Variants in LMCD1 observed in about 807,000 individuals in gnomAD.
LMCD1 encodes LIM and cysteine rich domains 1.
A neutral mutation model predicts 42.7 loss-of-function variants in LMCD1; 32 were observed. The observed-to-expected ratio is 0.75, with a 90% CI of 0.57 to 1.01. The LOEUF is 1.01. LMCD1 is among the 50% of genes least tolerant of loss of function. LMCD1 has a pLI of 0.00. For missense variants in LMCD1, 458 were observed against 483.1 expected, an observed-to-expected ratio of 0.95 and a Z score of 0.49; for synonymous variants, 178 against 184.9, an observed-to-expected ratio of 0.96 and a Z score of 0.30.
chr3:8,539,801 A>ATTT (rs1694585240), intron 3 of LMCD1, among the ~76,000 whole-genome samples: 1 of 133,386 alleles, frequency 7.5e-6, no homozygotes, highest in South Asian at 2.3e-4. Context: ...CATTTTTATT[A>ATTT]TTATTATTAT....
At position 8,573,875 on chromosome 3, in the gene LMCD1, C is replaced by A. The variant is rs1170526393; in HGVS notation, c.*6277C>A. On this transcript the variant is annotated 3_prime_UTR_variant, in exon 6 of 6. Transcript: ENST00000157600. Reference sequence around the variant, plus strand: ...AAATCCAATTAAAACTGGTTTAAACCTAAAAAAAAAAAAAAGAAGAAAAGA... The same window carrying A: ...AAATCCAATTAAAACTGGTTTAAACATAAAAAAAAAAAAAAGAAGAAAAGA... The A allele has an allele frequency of 8.4e-5, 10 of 119,140 alleles. No homozygotes were observed. The East Asian group carries it at 1.9e-3, about 22-fold the overall frequency. 7.4% of individuals were successfully genotyped at this position (119,140 alleles called of 1,614,324 possible).
Position 8,572,497 on chromosome 3 carries a change from T to C in LMCD1, c.*4899T>C, listed in dbSNP as rs898438910. ...CTCATTCTTAGTATTCATTGACGTT[T>C]ACTGATCGAACTAATTATTATTATG... On this transcript the variant is annotated 3_prime_UTR_variant, in exon 6 of 6. Coordinates refer to ENST00000157600, the MANE Select transcript of LMCD1 (RefSeq NM_014583.4). 3 of 152,254 alleles carry C rather than the reference T, an allele frequency of 2.0e-5. No individual in the cohort carries two copies. The highest frequency in any genetic ancestry group is 7.2e-5 in the African/African-American group (3 of 41,470). The allele number at this position is 152,254 out of a possible 1,614,324, so 9.4% of individuals were successfully genotyped here.
rs1005290713 is a variant in LMCD1, at chr3:8,572,470, C to T, written c.*4872C>T. On this transcript the variant is annotated 3_prime_UTR_variant, in exon 6 of 6. Transcript: ENST00000157600. Reference sequence around the variant, plus strand: ...TCCTGTTCTTCATCAAAATTCCACTCACTCATTCTTAGTATTCATTGACGT... The same window carrying T: ...TCCTGTTCTTCATCAAAATTCCACTTACTCATTCTTAGTATTCATTGACGT... 1 of 152,204 alleles carries T rather than the reference C, an allele frequency of 6.6e-6. No homozygotes were observed. Among genetic ancestry groups the T allele is most frequent in the African/African-American group, 2.4e-5 (1 of 41,444 alleles). The allele number at this position is 152,204 out of a possible 1,614,324, so 9.4% of individuals were successfully genotyped here. A position where few individuals can be genotyped will look rare whatever the true frequency, so the allele number is the denominator to read the frequency against.
Position 8,548,641 on chromosome 3 carries a change from G to A in LMCD1, c.461G>A (p.Arg154His), listed in dbSNP as rs761878144. The A allele has an allele frequency of 2.3e-5, 37 of 1,614,026 alleles. No homozygotes were observed. Among genetic ancestry groups the A allele is most frequent in the South Asian group, 1.3e-4 (12 of 91,090 alleles). The stretch of plus-strand genomic sequence containing the variant: ...GGCACAGAGGGTGCCTTTTACCGCC[G>A]CCGCCAGCTCATGCACCAGCTCCCC... ...VTGTEGAFYRRRQLMHQLPIY... is the reference protein window; with the variant it reads ...VTGTEGAFYRHRQLMHQLPIY... The change falls in exon 4 of 6, where the codon CGC becomes CAC. Residue 154 changes from arginine (R) to histidine (H), a missense_variant. Transcript: ENST00000157600.
intron 1 of LMCD1, among the ~76,000 whole-genome samples, chr3:8,507,077 C>T (rs563294299): frequency 6.6e-6 from 1 of 152,268 alleles, no homozygotes; most frequent in Admixed American, 6.5e-5. Context: ...AGGATTTGGC[C>T]AGCAGCTGCT....
At chr3:8,548,263 T>C (rs71312389) in intron 3 of LMCD1, among the ~76,000 whole-genome samples, 2,471 of 152,236 alleles carry the variant, frequency 0.016, 32 homozygotes, top group Non-Finnish European at 0.025. Flanking sequence ...TTCACCAAGA[T>C]TGAGACACAG....
chr3:8,549,009 A>G (rs1694791634), intron 4 of LMCD1, 106 bp downstream of exon 4: 1 of 838,256 alleles, frequency 1.2e-6, no homozygotes, highest in Non-Finnish European at 1.8e-6. Context: ...GCATTTATTC[A>G]TGAATTTGTG....
At chr3:8,539,227 A>T (rs1041775124) in intron 3 of LMCD1, among the ~76,000 whole-genome samples, 2 of 152,154 alleles carry the variant, frequency 1.3e-5, no homozygotes, top group South Asian at 2.1e-4. Context: ...TAGGGGGGAA[A>T]ATCCCTTCCA....
rs1178984806 is a variant in LMCD1 at position 8,501,857 on chromosome 3, C to T, written c.-82C>T. The stretch of plus-strand genomic sequence containing the variant: ...TCCCTCCCAGGCCCGCGAACTTGGC[C>T]ATTCAGCCGCCGCTGTCCCCGCTGC... On this transcript the variant is annotated 5_prime_UTR_variant, in exon 1 of 6. Coordinates refer to ENST00000157600, the MANE Select transcript of LMCD1 (RefSeq NM_014583.4). The T allele has an allele frequency of 3.0e-6, 4 of 1,330,152 alleles. No homozygotes were observed. The highest frequency in any genetic ancestry group is 1.3e-5 in the South Asian group (1 of 76,606). The allele number at this position is 1,330,152 out of a possible 1,614,324, so 82.4% of individuals were successfully genotyped here. A position where few individuals can be genotyped will look rare whatever the true frequency, so the allele number is the denominator to read the frequency against.
At chr3:8,559,856 C>T (rs1468778372) in intron 4 of LMCD1, among the ~76,000 whole-genome samples, 1 of 152,168 alleles carries the variant, frequency 6.6e-6, no homozygotes. Flanking sequence ...ATCTTGTTTT[C>T]ATGGAGTGAT....
chr3:8,527,180 T>C (rs1478380751), intron 1 of LMCD1, among the ~76,000 whole-genome samples: 1 of 152,208 alleles, frequency 6.6e-6, no homozygotes, highest in African/African-American at 2.4e-5. Flanking sequence ...GCCTGGCACA[T>C]AGGAAGTACT....
intron 1 of LMCD1, among the ~76,000 whole-genome samples, chr3:8,513,939 T>A (rs1694049623): frequency 6.6e-6 from 1 of 152,140 alleles, no homozygotes; most frequent in African/African-American, 2.4e-5. Context: ...AGACAAACCC[T>A]GGGGGATGTC....
chr3:8,516,918 T>G (rs73127967), intron 1 of LMCD1, among the ~76,000 whole-genome samples: 7,076 of 152,298 alleles, frequency 0.046, 291 homozygotes, highest in African/African-American at 0.1. Context: ...GAGGCCTTAC[T>G]CTAGCACGAG....
chr3:8,560,538 G>A (rs747436377), intron 4 of LMCD1, among the ~76,000 whole-genome samples: 2 of 152,234 alleles, frequency 1.3e-5, no homozygotes, highest in Admixed American at 1.3e-4. Flanking sequence ...CCAATGGGGT[G>A]TAGTTTGGTG....
chr3:8,544,985 C>T (rs756692112), intron 3 of LMCD1, among the ~76,000 whole-genome samples: 34 of 152,158 alleles, frequency 2.2e-4, no homozygotes, highest in Non-Finnish European at 4.1e-4. Context: ...ATAAGAATTA[C>T]GTTCAATAAA....
chr3:8,562,455 G>A (rs1695056314), intron 4 of LMCD1, among the ~76,000 whole-genome samples: 1 of 152,172 alleles, frequency 6.6e-6, no homozygotes, highest in African/African-American at 2.4e-5. Flanking sequence ...CAGAGCCAAG[G>A]GCGGCAGTTT....
At chr3:8,547,843 A>G (rs1237214998) in intron 3 of LMCD1, among the ~76,000 whole-genome samples, 1 of 151,852 alleles carries the variant, frequency 6.6e-6, no homozygotes, top group Non-Finnish European at 1.5e-5. Flanking sequence ...CCGAGATCAC[A>G]CCACCGCACT....
At chr3:8,564,641 A>G (rs1695096087) in intron 4 of LMCD1, among the ~76,000 whole-genome samples, 1 of 152,228 alleles carries the variant, frequency 6.6e-6, no homozygotes, top group African/African-American at 2.4e-5. Flanking sequence ...TCAAAGTGCA[A>G]GGTAAACAAA....
intron 1 of LMCD1, 138 bp from the exon 2 acceptor site, chr3:8,532,599 T>A: frequency 2.8e-6 from 2 of 708,530 alleles, no homozygotes; most frequent in Admixed American, 4.4e-5. Flanking sequence ...CGGTAAACAG[T>A]TTGTGATGGC....
Sources: gnomAD v4.1 joint callset for allele counts (sites outside exome capture counted in the v4.1 genomes callset) on GRCh38, gnomAD v4.1.1 for gene constraint, MANE v1.5 for transcripts, NCBI Gene and HGNC (gene_info 2026-07-23, HGNC 2026-07-21) for gene names.